The following USP48 variants were observed in gnomAD, a reference collection of about 807,000 sequenced individuals.
USP48 encodes ubiquitin specific peptidase 48.
USP48 carries 43 observed loss-of-function variants against 150.7 expected under a neutral mutation model. The observed-to-expected ratio is 0.29, with a 90% CI of 0.22 to 0.37. The LOEUF is 0.37. Among genes scored for constraint, USP48 ranks in the 10% least tolerant of loss-of-function variants. The pLI, the probability that USP48 is intolerant of heterozygous loss-of-function variation, is 1.00. For missense variants in USP48, 813 were observed against 1,249.6 expected (o/e 0.65, Z 5.27); for synonymous variants, 396 against 425.9 (o/e 0.93, Z 0.86).
intron 1 of USP48, among the ~76,000 whole-genome samples, chr1:21,781,671 T>C (rs1191004115): frequency 6.6e-6 from 1 of 152,144 alleles, no homozygotes; most frequent in African/African-American, 2.4e-5. Context: ...GAAACGGAGG[T>C]TGCAGTGAGC....
At chr1:21,754,653 G>C (rs2097826862) in intron 3 of USP48, among the ~76,000 whole-genome samples, 1 of 152,154 alleles carries the variant, frequency 6.6e-6, no homozygotes, top group South Asian at 2.1e-4. Context: ...GCCTGCTGCA[G>C]ATCAGCTTCC....
chr1:21,688,494 C>G (rs2097585657), intron 24 of USP48, among the ~76,000 whole-genome samples: 1 of 151,534 alleles, frequency 6.6e-6, no homozygotes, highest in East Asian at 2.0e-4. Context: ...GTTAGGATTA[C>G]AGGGGTGAGC....
At chr1:21,733,107 C>T (rs1488109840) in intron 9 of USP48, among the ~76,000 whole-genome samples, 1 of 152,118 alleles carries the variant, frequency 6.6e-6, no homozygotes, top group East Asian at 1.9e-4. Context: ...GGAGGTTAGT[C>T]ATCCATTCCT....
chr1:21,736,367 G>C, intron 9 of USP48, 79 bp downstream of exon 9: 2 of 1,345,760 alleles, frequency 1.5e-6, no homozygotes, highest in Non-Finnish European at 2.0e-6. Flanking sequence ...ACAATCTTGA[G>C]CCATAATAAT....
intron 14 of USP48, among the ~76,000 whole-genome samples, chr1:21,717,449 C>CCAAA (rs1553127920): frequency 3.4e-5 from 2 of 58,766 alleles, no homozygotes; most frequent in Non-Finnish European, 4.5e-5. Context: ...TAAAAAAAAA[C>CCAAA]CCAACCAACC....
intron 1 of USP48, chr1:21,781,864 A>G (rs2097915417): frequency 6.6e-6 from 1 of 152,260 alleles, no homozygotes; most frequent in Admixed American, 6.5e-5. Context: ...TTACTGTTAA[A>G]GTCAGATTTA....
intron 3 of USP48, among the ~76,000 whole-genome samples, chr1:21,755,066 T>G (rs1415801468): frequency 2.6e-5 from 4 of 152,184 alleles, no homozygotes. Flanking sequence ...TAACTCTTAT[T>G]AATCAATTCC....
At chr1:21,752,016 C>CAAAAAAAA (rs943113295) in intron 5 of USP48, among the ~76,000 whole-genome samples, 3 of 63,448 alleles carry the variant, frequency 4.7e-5, no homozygotes, top group Non-Finnish European at 6.3e-5. Context: ...GAGTCCATCT[C>CAAAAAAAA]AAAAAAAAAA....
chr1:21,724,354 T>C, intron 11 of USP48: 1 of 596,272 alleles, frequency 1.7e-6, no homozygotes. Context: ...ATTAACCACA[T>C]TCTACAAGAG....
intron 14 of USP48, among the ~76,000 whole-genome samples, chr1:21,718,542 TG>T (rs2097711099): frequency 6.6e-6 from 1 of 150,596 alleles, no homozygotes; most frequent in South Asian, 2.1e-4. Flanking sequence ...GAAGGGACAC[TG>T]ATATATAAAG....
At chr1:21,701,102 C>A (rs1364509155) in intron 22 of USP48, among the ~76,000 whole-genome samples, 1 of 149,670 alleles carries the variant, frequency 6.7e-6, no homozygotes, top group African/African-American at 2.5e-5. Context: ...TGCGGTGGCT[C>A]CTGCCTGTAA....
chr1:21,760,490 C>A (rs940945570), intron 1 of USP48, among the ~76,000 whole-genome samples: 1 of 151,634 alleles, frequency 6.6e-6, no homozygotes, highest in Non-Finnish European at 1.5e-5. Context: ...CCCAGGTGGG[C>A]GGATCACAAA....
chr1:21,685,329 CT>C (rs555922788), intron 25 of USP48, among the ~76,000 whole-genome samples: 192 of 136,298 alleles, frequency 1.4e-3, no homozygotes, highest in Admixed American at 1.5e-3. Context: ...GCTTTCTTTT[CT>C]TTTTTTTTTT....
chr1:21,734,749 C>CT (rs1297711648), intron 9 of USP48, among the ~76,000 whole-genome samples: 2 of 152,166 alleles, frequency 1.3e-5, no homozygotes, highest in Non-Finnish European at 2.9e-5. Flanking sequence ...GTTAGATTTC[C>CT]AGAACAAAGT....
At chr1:21,742,543 C>CAA (rs11353860) in intron 8 of USP48, among the ~76,000 whole-genome samples, 1 of 130,198 alleles carries the variant, frequency 7.7e-6, no homozygotes, top group Middle Eastern at 3.7e-3. Flanking sequence ...GACTCTATCT[C>CAA]AAAAAAAAAA....
intron 22 of USP48, among the ~76,000 whole-genome samples, chr1:21,699,623 T>C (rs1187390981): frequency 6.9e-6 from 1 of 144,568 alleles, no homozygotes; most frequent in Non-Finnish European, 1.5e-5. Flanking sequence ...ATGCCATTCT[T>C]CTGCCTCAGC....
chr1:21,726,378 TA>T (rs2097737249), intron 11 of USP48: 1 of 152,194 alleles, frequency 6.6e-6, no homozygotes, highest in Non-Finnish European at 1.5e-5. Flanking sequence ...TTGTTCAATA[TA>T]AATTTAATGT....
intron 9 of USP48, among the ~76,000 whole-genome samples, chr1:21,732,013 G>A (rs1024981614): frequency 1.3e-5 from 2 of 152,162 alleles, no homozygotes; most frequent in East Asian, 1.9e-4. Flanking sequence ...GGGTTTCAGC[G>A]TTCCAGGTAA....
chr1:21,751,530 C>T lies in USP48; in HGVS notation c.751G>A (p.Asp251Asn), dbSNP rs146044759. Residue 251 changes from aspartate to asparagine, a missense_variant, in exon 6 of 27, where the codon GAT becomes AAT. Coordinates refer to ENST00000308271, the MANE Select transcript of USP48 (RefSeq NM_032236.8). ...LNIQGHKQLTDCISEFLKEEK... is the reference protein window; with the variant it reads ...LNIQGHKQLTNCISEFLKEEK... ...ACCTTCAAAAATTCCGAGATACAAT[C>T]TGTTAACTGTTTGTGGCCTTGGATA... 5.9e-4 allele frequency: 950 copies of T among 1,613,732 alleles called. 1 individual carries two copies. Among genetic ancestry groups the T allele is most frequent in the Non-Finnish European group, 7.5e-4 (890 of 1,179,932 alleles).
Sources: gnomAD v4.1 joint callset for allele counts (sites outside exome capture counted in the v4.1 genomes callset) on GRCh38, gnomAD v4.1.1 for gene constraint, MANE v1.5 for transcripts, NCBI Gene and HGNC (gene_info 2026-07-23, HGNC 2026-07-21) for gene names.